Variants in CHCHD6 observed in about 807,000 individuals in gnomAD.
The protein encoded by CHCHD6 is coiled-coil-helix-coiled-coil-helix domain containing 6, also known as MICOS complex subunit MIC25.
A neutral mutation model predicts 32.3 loss-of-function variants in CHCHD6; 28 were observed. That is an observed-to-expected ratio of 0.87 (90% CI 0.64 to 1.19). CHCHD6 has a LOEUF of 1.19. CHCHD6 is among the 50% of genes most tolerant of loss of function. The pLI, the probability that CHCHD6 is intolerant of heterozygous loss-of-function variation, is 0.00. For missense variants in CHCHD6, 333 were observed against 307.0 expected (o/e 1.08, Z -0.63); for synonymous variants, 122 against 117.5 (o/e 1.04, Z -0.25).
rs1247639118 is a variant in CHCHD6 at position 126,733,145 on chromosome 3, G to T, written c.334G>T (p.Ala112Ser). 1 of 1,614,200 alleles carries T rather than the reference G, an allele frequency of 6.2e-7. No individual in the cohort carries two copies. Among genetic ancestry groups the T allele is most frequent in the East Asian group, 2.2e-5 (1 of 44,880 alleles). The change falls in exon 4 of 8, where the codon GCC becomes TCC. Residue 112 changes from alanine to serine, a missense_variant. Coordinates refer to ENST00000290913, the MANE Select transcript of CHCHD6 (RefSeq NM_032343.3). Reference protein sequence around the residue: ...FQVAKREREAATKHSKASLPT... With the variant: ...FQVAKREREASTKHSKASLPT... Reference sequence around the variant, plus strand: ...GGTGGCAAAGAGGGAAAGAGAGGCTGCCACCAAGCACTCCAAGGCATCCCT... The same window carrying T: ...GGTGGCAAAGAGGGAAAGAGAGGCTTCCACCAAGCACTCCAAGGCATCCCT...
intron 5 of CHCHD6, among the ~76,000 whole-genome samples, chr3:126,872,065 T>A (rs995587792): frequency 9.2e-5 from 14 of 152,200 alleles, no homozygotes; most frequent in African/African-American, 2.9e-4. Context: ...GTGTGGTGGC[T>A]CTCAACCAGG....
intron 6 of CHCHD6, among the ~76,000 whole-genome samples, chr3:126,923,864 A>G (rs2078287179): frequency 6.6e-6 from 1 of 152,228 alleles, no homozygotes. Context: ...GTAATAGCCA[A>G]AAGAGAGCAC....
intron 5 of CHCHD6, among the ~76,000 whole-genome samples, chr3:126,864,913 A>G (rs1337669966): frequency 6.4e-5 from 5 of 77,918 alleles, no homozygotes; most frequent in Admixed American, 3.5e-4. Flanking sequence ...CTCCACCATC[A>G]CCTTCTCCTC....
chr3:126,933,989 G>A (rs1576621239), intron 6 of CHCHD6, among the ~76,000 whole-genome samples: 1 of 152,188 alleles, frequency 6.6e-6, no homozygotes, highest in South Asian at 2.1e-4. Context: ...GAGCTTGCCC[G>A]TTCTGTGTTG....
chr3:126,809,225 T>G (rs1392875128), intron 4 of CHCHD6, among the ~76,000 whole-genome samples: 2 of 152,152 alleles, frequency 1.3e-5, no homozygotes, highest in Non-Finnish European at 2.9e-5. Context: ...CCGCCCACCT[T>G]GGCCTCCCAA....
At chr3:126,715,521 G>C (rs940627797) in intron 1 of CHCHD6, among the ~76,000 whole-genome samples, 2 of 152,126 alleles carry the variant, frequency 1.3e-5, no homozygotes, top group Non-Finnish European at 2.9e-5. Context: ...TACCTGGCCT[G>C]CCCCTAGGCT....
intron 4 of CHCHD6, among the ~76,000 whole-genome samples, chr3:126,787,633 T>C (rs1182302359): frequency 6.6e-6 from 1 of 152,176 alleles, no homozygotes; most frequent in African/African-American, 2.4e-5. Flanking sequence ...GTTTGTCTGT[T>C]ATTGGTGTAT....
intron 4 of CHCHD6, among the ~76,000 whole-genome samples, chr3:126,838,214 A>G (rs1414067953): frequency 1.3e-5 from 2 of 152,178 alleles, no homozygotes; most frequent in East Asian, 1.9e-4. Flanking sequence ...TGTTTTTTCA[A>G]AGTTTCCTTG....
chr3:126,945,134 G>A (rs903939953), intron 6 of CHCHD6, among the ~76,000 whole-genome samples: 1 of 152,188 alleles, frequency 6.6e-6, no homozygotes, highest in African/African-American at 2.4e-5. Flanking sequence ...AGGCCAGGTA[G>A]GAGGGAGGCT....
At chr3:126,950,545 G>A (rs1446037530) in intron 6 of CHCHD6, among the ~76,000 whole-genome samples, 1 of 152,184 alleles carries the variant, frequency 6.6e-6, no homozygotes, top group Non-Finnish European at 1.5e-5. Flanking sequence ...CTGCCTCCTG[G>A]GTGCAAGTGA....
chr3:126,914,659 A>G (rs199841867), intron 5 of CHCHD6, 21 bp from the exon 6 acceptor site: 110 of 1,444,838 alleles, frequency 7.6e-5, no homozygotes, highest in Non-Finnish European at 1.3e-5. Flanking sequence ...TTGGTAACCA[A>G]TTCTGTTTTT....
At chr3:126,769,927 A>G (rs970457651) in intron 4 of CHCHD6, among the ~76,000 whole-genome samples, 1 of 152,192 alleles carries the variant, frequency 6.6e-6, no homozygotes. Context: ...TTTGTGCTGT[A>G]TGGCCATTTT....
At chr3:126,948,148 C>T (rs1396851918) in intron 6 of CHCHD6, among the ~76,000 whole-genome samples, 1 of 152,238 alleles carries the variant, frequency 6.6e-6, no homozygotes, top group Admixed American at 6.5e-5. Context: ...GAAACGGGTC[C>T]AACCCCTTTG....
chr3:126,883,167 G>T (rs968908249), intron 5 of CHCHD6, among the ~76,000 whole-genome samples: 1 of 152,160 alleles, frequency 6.6e-6, no homozygotes, highest in Non-Finnish European at 1.5e-5. Flanking sequence ...GAAGCTCCAC[G>T]TCCCTTTTCC....
chr3:126,780,068 G>A (rs548271541), intron 4 of CHCHD6, among the ~76,000 whole-genome samples: 6 of 152,272 alleles, frequency 3.9e-5, no homozygotes, highest in South Asian at 2.1e-4. Context: ...TAAGCAAATC[G>A]TATAGTGATT....
intron 4 of CHCHD6, among the ~76,000 whole-genome samples, chr3:126,785,300 G>A (rs1938143403): frequency 6.6e-6 from 1 of 152,116 alleles, no homozygotes; most frequent in Non-Finnish European, 1.5e-5. Flanking sequence ...TATCTCCCGT[G>A]GGCAGCAAAG....
chr3:126,958,936 AGTCTCT>A (rs1481845446), intron 7 of CHCHD6, among the ~76,000 whole-genome samples: 1 of 152,214 alleles, frequency 6.6e-6, no homozygotes, highest in Non-Finnish European at 1.5e-5. Context: ...GGCAGCTCCG[AGTCTCT>A]GTTCATCACA....
chr3:126,798,984 C>T (rs1163888364), intron 4 of CHCHD6, among the ~76,000 whole-genome samples: 3 of 152,210 alleles, frequency 2.0e-5, no homozygotes, highest in Admixed American at 2.0e-4. Flanking sequence ...ATGTACCCTC[C>T]TTCAAGAAGC....
intron 4 of CHCHD6, among the ~76,000 whole-genome samples, chr3:126,797,296 T>C (rs978264014): frequency 1.3e-5 from 2 of 152,146 alleles, no homozygotes; most frequent in African/African-American, 4.8e-5. Flanking sequence ...ATAGTGAGGA[T>C]TGTTGAAAGA....
Sources: gnomAD v4.1 joint callset for allele counts (sites outside exome capture counted in the v4.1 genomes callset) on GRCh38, gnomAD v4.1.1 for gene constraint, MANE v1.5 for transcripts, NCBI Gene and HGNC (gene_info 2026-07-23, HGNC 2026-07-21) for gene names.